AFF2: variants seen among roughly 807,000 people sequenced by gnomAD.
AFF2 encodes the protein AF4/FMR2 family member 2.
In AFF2, 14 loss-of-function variants were observed where a neutral mutation model predicts 76.9. The ratio of observed to expected loss-of-function variants is 0.18; its 90% CI spans 0.12 to 0.28. The LOEUF (loss-of-function observed/expected upper bound fraction) is 0.28. Ranked by LOEUF, AFF2 falls within the 10% of genes least tolerant of loss-of-function variation. The pLI, the probability that AFF2 is intolerant of heterozygous loss-of-function variation, is 1.00. For missense variants in AFF2, 868 were observed against 1,001.1 expected (o/e 0.87, Z 1.79); for synonymous variants, 398 against 366.7 (o/e 1.09, Z -0.98).
intron 3 of AFF2, among the ~76,000 whole-genome samples, chrX:148,773,669 AGAAG>A (rs1291323469): frequency 0.015 from 967 of 66,440 alleles, 39 homozygotes; most frequent in African/African-American, 0.049. Context: ...AAGGAAGGAA[AGAAG>A]GAAGGAAGGA....
At chrX:148,512,430 C>T (rs1040577268) in intron 1 of AFF2, among the ~76,000 whole-genome samples, 3 of 112,220 alleles carry the variant, frequency 2.7e-5, no homozygotes, top group African/African-American at 6.5e-5. Flanking sequence ...CCACGACACA[C>T]GTCTGCCATA....
intron 20 of AFF2, among the ~76,000 whole-genome samples, chrX:148,990,672 C>A (rs2072524055): frequency 8.9e-6 from 1 of 111,761 alleles, no homozygotes; most frequent in Non-Finnish European, 1.9e-5. Context: ...AGGCCATTTT[C>A]CATCCCCAAT....
At chrX:148,636,306 C>T (rs896353492) in intron 1 of AFF2, among the ~76,000 whole-genome samples, 4 of 111,808 alleles carry the variant, frequency 3.6e-5, no homozygotes, top group African/African-American at 9.7e-5. Context: ...TTGAGCGTGT[C>T]GAGGGCTATG....
intron 1 of AFF2, among the ~76,000 whole-genome samples, chrX:148,616,083 G>T (rs1185263469): frequency 8.9e-6 from 1 of 111,786 alleles, no homozygotes; most frequent in Non-Finnish European, 1.9e-5. Context: ...CATACAAACA[G>T]AAAGAGACAT....
At chrX:148,626,515 A>G (rs1318347879) in intron 1 of AFF2, among the ~76,000 whole-genome samples, 1 of 111,047 alleles carries the variant, frequency 9.0e-6, no homozygotes. Flanking sequence ...GCTGTAACAA[A>G]CTGCCACAAA....
At chrX:148,676,116 G>A (rs1557259453) in intron 3 of AFF2, among the ~76,000 whole-genome samples, 1 of 102,111 alleles carries the variant, frequency 9.8e-6, no homozygotes, top group African/African-American at 3.7e-5. Context: ...CTGGAGTGCA[G>A]TGGCACCGTC....
Position 148,904,515 on chromosome X carries a change from G to T in AFF2, c.1397+257G>T, listed in dbSNP as rs1450302693. The T allele has an allele frequency of 3.6e-5, 11 of 304,268 alleles. No homozygotes were observed. The South Asian group carries it at 5.6e-4, about 16-fold the overall frequency. 25.1% of individuals were successfully genotyped at this position (304,268 alleles called of 1,213,427 possible). A position where few individuals can be genotyped will look rare whatever the true frequency, so the allele number is the denominator to read the frequency against. ...TAATATGTGCAATCCATGAATAGCTGCCAAATACGATTATAATCATATTCA... is the reference window on the plus strand; with the variant it reads ...TAATATGTGCAATCCATGAATAGCTTCCAAATACGATTATAATCATATTCA... On this transcript the variant is annotated intron_variant, in intron 9 of 20. Transcript: ENST00000370460.
chrX:148,843,726 A>G (rs1467391827), intron 7 of AFF2, among the ~76,000 whole-genome samples: 25 of 111,425 alleles, frequency 2.2e-4, no homozygotes, highest in African/African-American at 7.8e-4. Flanking sequence ...CATAAAGGGT[A>G]TCTTGTGAGG....
intron 1 of AFF2, among the ~76,000 whole-genome samples, chrX:148,529,417 A>C (rs1201155433): frequency 8.9e-6 from 1 of 112,393 alleles, no homozygotes; most frequent in Non-Finnish European, 1.9e-5. Flanking sequence ...GTACAAAAAC[A>C]AAGTATAGGT....
At chrX:148,536,404 G>A (rs1330163335) in intron 1 of AFF2, among the ~76,000 whole-genome samples, 4 of 111,021 alleles carry the variant, frequency 3.6e-5, no homozygotes, top group Non-Finnish European at 7.5e-5. Context: ...CCAGTTCCCA[G>A]CACAGTCCCC....
intron 1 of AFF2, among the ~76,000 whole-genome samples, chrX:148,581,568 G>C (rs1350031064): frequency 2.2e-5 from 1 of 45,458 alleles, no homozygotes; most frequent in African/African-American, 8.6e-5. Flanking sequence ...ACATATATAC[G>C]TATACGTATA....
At chrX:148,814,473 G>A (rs1314809687) in intron 4 of AFF2, among the ~76,000 whole-genome samples, 1 of 112,359 alleles carries the variant, frequency 8.9e-6, no homozygotes, top group East Asian at 2.8e-4. Flanking sequence ...GTCTCTCCTA[G>A]CAAAGCACCT....
At chrX:148,791,859 G>A (rs7063388) in intron 3 of AFF2, among the ~76,000 whole-genome samples, 5,033 of 110,883 alleles carry the variant, frequency 0.045, 280 homozygotes, top group African/African-American at 0.15. Context: ...TCAGAGCAAT[G>A]GACAAATTGG....
chrX:148,646,564 A>T (rs1359990474), intron 1 of AFF2, among the ~76,000 whole-genome samples: 1 of 112,367 alleles, frequency 8.9e-6, no homozygotes, highest in Non-Finnish European at 1.9e-5. Flanking sequence ...TGTCTACATA[A>T]TTTTACAAAC....
In AFF2 at chrX:148,559,749, G is replaced by A. The variant is rs143337508; in HGVS notation, c.47+58605G>A. 4.2e-3 allele frequency among the ~76,000 whole-genome samples: 474 copies of A among 111,864 alleles called. 1 individual carries two copies. The highest frequency in any genetic ancestry group is 0.015 in the African/African-American group (447 of 30,773). On this transcript the variant is annotated intron_variant, in intron 1 of 20. Coordinates refer to ENST00000370460, the MANE Select transcript of AFF2 (RefSeq NM_002025.4). The stretch of plus-strand genomic sequence containing the variant: ...GTGCAGTAAACATACATGTGCATAT[G>A]TCTTTATAGTAGAATGATTTATAAT...
chrX:148,540,890 G>A (rs141259374), intron 1 of AFF2, among the ~76,000 whole-genome samples: 1 of 111,971 alleles, frequency 8.9e-6, no homozygotes, highest in African/African-American at 3.2e-5. Flanking sequence ...TAAAAATCAT[G>A]GACATCCTTC....
At chrX:148,688,503 G>A (rs2054619977) in intron 3 of AFF2, among the ~76,000 whole-genome samples, 1 of 111,197 alleles carries the variant, frequency 9.0e-6, no homozygotes, top group Admixed American at 9.6e-5. Flanking sequence ...TTGATTGCCT[G>A]TTTACATATG....
At chrX:148,796,730 C>A (rs2069988279) in intron 3 of AFF2, among the ~76,000 whole-genome samples, 1 of 112,039 alleles carries the variant, frequency 8.9e-6, no homozygotes, top group Non-Finnish European at 1.9e-5. Flanking sequence ...ATTGCCAAAT[C>A]TTGATTAAAA....
chrX:148,817,989 A>G (rs1209184663), intron 4 of AFF2, among the ~76,000 whole-genome samples: 1 of 112,000 alleles, frequency 8.9e-6, no homozygotes, highest in African/African-American at 3.2e-5. Flanking sequence ...ACCTTAACCC[A>G]AAGGCTAGTA....
Sources: allele counts gnomAD v4.1 joint callset (sites outside exome capture counted in the v4.1 genomes callset), GRCh38; gene constraint gnomAD v4.1.1; transcripts MANE v1.5; gene names NCBI Gene and HGNC (gene_info 2026-07-23, HGNC 2026-07-21).